FBLN1: variants seen among roughly 807,000 people sequenced by gnomAD.
FBLN1 encodes the protein fibulin 1.
A neutral mutation model predicts 89.7 loss-of-function variants in FBLN1; 34 were observed. The observed-to-expected ratio is 0.38, with a 90% CI of 0.29 to 0.50. The LOEUF (loss-of-function observed/expected upper bound fraction) is 0.50, where lower values mean the gene tolerates loss of function less well. FBLN1 is among the 20% of genes least tolerant of loss of function. The pLI, the probability that FBLN1 is intolerant of heterozygous loss-of-function variation, is 0.92. For missense variants in FBLN1, 777 were observed against 988.1 expected (o/e 0.79, Z 2.86); for synonymous variants, 393 against 391.3 (o/e 1.00, Z -0.05).
At chr22:45,594,732 A>ATGGATGGATGGATGGATGGATGGATG (rs1569269732) in intron 16 of FBLN1, among the ~76,000 whole-genome samples, 1 of 108,470 alleles carries the variant, frequency 9.2e-6, no homozygotes, top group Admixed American at 9.2e-5. Flanking sequence ...ATGGATGGAT[A>ATGGATGGATGGATGGATGGATGGATG]GATGGATGGG....
intron 16 of FBLN1, among the ~76,000 whole-genome samples, chr22:45,585,337 A>G (rs1804053638): frequency 6.6e-6 from 1 of 152,200 alleles, no homozygotes; most frequent in Admixed American, 6.5e-5. Flanking sequence ...GAGACCGTCC[A>G]TTGTCCCAGC....
At chr22:45,599,160 C>G (rs1249633765) in intron 16 of FBLN1, among the ~76,000 whole-genome samples, 1 of 152,206 alleles carries the variant, frequency 6.6e-6, no homozygotes, top group Non-Finnish European at 1.5e-5. Flanking sequence ...TGAGCTTTGT[C>G]TGTGCCCTGT....
At chr22:45,569,163 A>G (rs919632175) in intron 14 of FBLN1, among the ~76,000 whole-genome samples, 1 of 152,128 alleles carries the variant, frequency 6.6e-6, no homozygotes, top group East Asian at 1.9e-4. Flanking sequence ...AATGCAAACC[A>G]TGACACCCAT....
At chr22:45,535,585 G>A (rs569007804) in intron 8 of FBLN1, 34 of 498,188 alleles carry the variant, frequency 6.8e-5, no homozygotes, top group Non-Finnish European at 1.2e-4. Flanking sequence ...TAAACAAATG[G>A]GTGTGGCTGT....
chr22:45,504,184 A>C (rs1383579740), intron 1 of FBLN1, among the ~76,000 whole-genome samples: 2 of 136,872 alleles, frequency 1.5e-5, no homozygotes, highest in Non-Finnish European at 3.1e-5. Context: ...ACTAATGCTC[A>C]CTGGGGGATT....
rs1190901915 is a variant in FBLN1, at chr22:45,579,755, G to A, written c.1972+2647G>A. Among the ~76,000 whole-genome samples the A allele has an allele frequency of 6.6e-6, 1 of 152,132 alleles. No individual in the cohort carries two copies. Among genetic ancestry groups the A allele is most frequent in the African/African-American group, 2.4e-5 (1 of 41,420 alleles). On this transcript the variant is annotated intron_variant, in intron 16 of 16. Coordinates refer to ENST00000327858, the MANE Select transcript of FBLN1 (RefSeq NM_006486.3). The surrounding 1 kb of genome is among the most constrained non-coding windows in gnomAD (Gnocchi z 5.5). ...GCTGGCTCCTGTCTCTGTCCCCACT[G>A]CGCTGATCTTATTTCTCTGTCTGAG...
intron 14 of FBLN1, among the ~76,000 whole-genome samples, chr22:45,559,537 C>A (rs1362173152): frequency 1.3e-5 from 2 of 152,194 alleles, no homozygotes; most frequent in African/African-American, 4.8e-5. Flanking sequence ...GGGGGTTCTG[C>A]CAGCTGCTAA....
Position 45,537,839 on chromosome 22 carries a change from C to T in FBLN1, c.922+2502C>T, listed in dbSNP as rs560287722. Among the ~76,000 whole-genome samples the T allele has an allele frequency of 6.6e-6, 1 of 152,270 alleles. No individual in the cohort carries two copies. The highest frequency in any genetic ancestry group is 6.5e-5 in the Admixed American group (1 of 15,300). On this transcript the variant is annotated intron_variant, in intron 8 of 16. Coordinates refer to ENST00000327858, the MANE Select transcript of FBLN1 (RefSeq NM_006486.3). The surrounding 1 kb of genome is among the most constrained non-coding windows in gnomAD (Gnocchi z 5.7). ...TTCGCTCAGCGCAGGGGGTGGTGAGCAGGGAAGCCATGGGCTCTCCGGGAC... is the reference window on the plus strand; with the variant it reads ...TTCGCTCAGCGCAGGGGGTGGTGAGTAGGGAAGCCATGGGCTCTCCGGGAC...
chr22:45,532,917 G>A lies in FBLN1; in HGVS notation c.545-146G>A. The A allele has an allele frequency of 4.2e-6, 3 of 707,520 alleles. No homozygotes were observed. Among genetic ancestry groups the A allele is most frequent in the Non-Finnish European group, 7.4e-6 (3 of 403,602 alleles). The allele number at this position is 707,520 out of a possible 1,614,324, so 43.8% of individuals were successfully genotyped here. ...CAGAGCCTGGGGGTCTCCCAGTAGG[G>A]CAGCAGGTGGGCTCCAGCCAGGTCA... On this transcript the variant is annotated intron_variant, in intron 5 of 16. Transcript: ENST00000327858. The surrounding 1 kb of genome is among the most constrained non-coding windows in gnomAD (Gnocchi z 4.2).
In FBLN1 at chr22:45,579,007, G is replaced by A. The variant is rs1190244006; in HGVS notation, c.1972+1899G>A. Among the ~76,000 whole-genome samples, 3 of 152,228 alleles carry A rather than the reference G, an allele frequency of 2.0e-5. No individual in the cohort carries two copies. Among genetic ancestry groups the A allele is most frequent in the Non-Finnish European group, 4.4e-5 (3 of 68,042 alleles). ...CCGAAATAGGCATGCACAGAGACAG[G>A]CCTTGATGGCCTGTGGAGGCTCTCT... On this transcript the variant is annotated intron_variant, in intron 16 of 16. Transcript: ENST00000327858. This position sits in a 1 kb window ranked among gnomAD's most constrained non-coding sequence, Gnocchi z 5.5.
rs1038697063 is a variant in FBLN1, at chr22:45,596,076, A to G, written c.1973-4231A>G. ...AGTAGAGACGGGGTTTCACCGTGTT[A>G]GCCAGGATGGTCTTGATCTCCTGAC... On this transcript the variant is annotated intron_variant, in intron 16 of 16. Coordinates refer to ENST00000327858, the MANE Select transcript of FBLN1 (RefSeq NM_006486.3). Among the ~76,000 whole-genome samples, 35 of 152,226 alleles carry G rather than the reference A, an allele frequency of 2.3e-4. No individual in the cohort carries two copies. The South Asian group carries it at 2.9e-3, about 13-fold the overall frequency.
At chr22:45,534,017 C>A in intron 7 of FBLN1, 119 bp downstream of exon 7, 3 of 1,365,960 alleles carry the variant, frequency 2.2e-6, no homozygotes, top group Non-Finnish European at 3.1e-6. Context: ...GCTGCCTGGG[C>A]GACTGCCTGC....
At chr22:45,564,815 ACT>A (rs1305989910) in intron 14 of FBLN1, 9 of 1,593,350 alleles carry the variant, frequency 5.6e-6, no homozygotes, top group African/African-American at 2.7e-5. Flanking sequence ...GGAACAGATG[ACT>A]CTGCCAGCCC....
chr22:45,509,567 T>C (rs957353082), intron 1 of FBLN1, among the ~76,000 whole-genome samples: 1 of 152,170 alleles, frequency 6.6e-6, no homozygotes, highest in Non-Finnish European at 1.5e-5. Flanking sequence ...ATCCTGGAAC[T>C]GTAAGGGATG....
At position 45,557,743 on chromosome 22, in the gene FBLN1, C is replaced by G. The variant is rs974110861; in HGVS notation, c.1697+7128C>G. Among the ~76,000 whole-genome samples the G allele has an allele frequency of 6.6e-6, 1 of 152,216 alleles. No individual in the cohort carries two copies. Among genetic ancestry groups the G allele is most frequent in the South Asian group, 2.1e-4 (1 of 4,830 alleles). On this transcript the variant is annotated intron_variant, in intron 14 of 16. Transcript: ENST00000327858. This position sits in a 1 kb window ranked among gnomAD's most constrained non-coding sequence, Gnocchi z 4.9. Reference sequence around the variant, plus strand: ...ACAGTTTTTGACCACTCAGAGAGGTCTATCCACATACCTCTTCCCCAAATT... The same window carrying G: ...ACAGTTTTTGACCACTCAGAGAGGTGTATCCACATACCTCTTCCCCAAATT...
chr22:45,565,015 ACAGT>A (rs770876586), intron 14 of FBLN1: 10 of 1,613,022 alleles, frequency 6.2e-6, no homozygotes, highest in Non-Finnish European at 8.5e-6. Flanking sequence ...ACCTGGACAG[ACAGT>A]CAGCTCCACA....
At chr22:45,520,788 T>C (rs1355527514) in intron 2 of FBLN1, among the ~76,000 whole-genome samples, 5 of 152,198 alleles carry the variant, frequency 3.3e-5, no homozygotes, top group African/African-American at 9.6e-5. Context: ...TTCTACTCAC[T>C]AATGTCTTTG....
intron 10 of FBLN1, 57 bp from the exon 11 acceptor site, chr22:45,543,344 G>T: frequency 6.2e-7 from 1 of 1,602,860 alleles, no homozygotes; most frequent in South Asian, 1.1e-5. Context: ...TAGGAGGGTG[G>T]AGTGTGGTGC....
Position 45,502,917 on chromosome 22 carries a change from C to G in FBLN1, c.-69C>G, listed in dbSNP as rs954227306. 8.0e-6 allele frequency: 5 copies of G among 622,198 alleles called. No individual in the cohort carries two copies. The highest frequency in any genetic ancestry group is 4.0e-5 in the African/African-American group (2 of 50,154). 38.5% of individuals were successfully genotyped at this position (622,198 alleles called of 1,614,324 possible). A position where few individuals can be genotyped will look rare whatever the true frequency, so the allele number is the denominator to read the frequency against. ...CGAGGCTCGGCCGGAGCGTGGAGCC[C>G]GCGCCGCTGCCCCAGGACCGCGCCC... is the stretch of plus-strand genomic sequence containing the variant. On this transcript the variant is annotated 5_prime_UTR_variant, in exon 1 of 17. Transcript: ENST00000327858.
Sources: allele counts gnomAD v4.1 joint callset (sites outside exome capture counted in the v4.1 genomes callset), GRCh38; gene constraint gnomAD v4.1.1; non-coding constraint Gnocchi (gnomAD v3.1); transcripts MANE v1.5; gene names NCBI Gene and HGNC (gene_info 2026-07-23, HGNC 2026-07-21).